PCDHA7: variants seen among roughly 807,000 people sequenced by gnomAD.
PCDHA7 encodes the protein protocadherin alpha 7, also known as protocadherin alpha-7.
In PCDHA7, 37 loss-of-function variants were observed where a neutral mutation model predicts 57.2. That is an observed-to-expected ratio of 0.65 (90% CI 0.50 to 0.85). The LOEUF (loss-of-function observed/expected upper bound fraction) is 0.85. Ranked by LOEUF, PCDHA7 falls within the 40% of genes least tolerant of loss-of-function variation. The pLI is 0.00. For synonymous variants in PCDHA7, 553 were observed against 558.8 expected, an observed-to-expected ratio of 0.99 and a Z score of 0.15; for missense variants, 1,188 against 1,241.8, an observed-to-expected ratio of 0.96 and a Z score of 0.65.
chr5:140,947,756 T>A (rs1354995389), intron 1 of PCDHA7, among the ~76,000 whole-genome samples: 1 of 151,644 alleles, frequency 6.6e-6, no homozygotes, highest in Non-Finnish European at 1.5e-5. Flanking sequence ...TATTTTATGG[T>A]TTAAAAAATT....
Position 141,010,456 on chromosome 5 carries a change from TATC to T in PCDHA7, c.*521_*523del. The T allele has an allele frequency of 1.1e-6, 1 of 877,088 alleles. No individual in the cohort carries two copies. The highest frequency in any genetic ancestry group is 3.0e-5 in the Admixed American group (1 of 33,582). The allele number at this position is 877,088 out of a possible 1,614,324, so 54.3% of individuals were successfully genotyped here. On this transcript the variant is annotated 3_prime_UTR_variant, in exon 4 of 4. Transcript: ENST00000525929. ...ACAAAGACAAATAAACAGCGGAAGT[TATC>T]AGTATGGAGGGGAAGTGTAAACTTA... is the stretch of plus-strand genomic sequence containing the variant.
intron 1 of PCDHA7, among the ~76,000 whole-genome samples, chr5:140,879,038 AAGAT>A (rs2057824267): frequency 6.6e-6 from 1 of 152,380 alleles, no homozygotes; most frequent in Admixed American, 6.5e-5. Flanking sequence ...AGTGTCTTGA[AAGAT>A]AGACAACATT....
At chr5:140,868,925 T>C (rs558364822) in intron 1 of PCDHA7, 1 of 1,048,896 alleles carries the variant, frequency 9.5e-7, no homozygotes. Flanking sequence ...GAAAGTTCAT[T>C]TAAAGGTTGG....
At chr5:140,838,543 T>C (rs1421001840) in intron 1 of PCDHA7, among the ~76,000 whole-genome samples, 2 of 152,028 alleles carry the variant, frequency 1.3e-5, no homozygotes, top group Non-Finnish European at 2.9e-5. Flanking sequence ...GGATATATCA[T>C]GATTTATTCA....
intron 1 of PCDHA7, chr5:140,969,045 C>G: frequency 1.2e-6 from 2 of 1,614,090 alleles, no homozygotes. Flanking sequence ...TACAAACAAG[C>G]CAACAACAAT....
intron 1 of PCDHA7, chr5:140,842,580 C>T (rs1778108515): frequency 1.3e-6 from 2 of 1,517,648 alleles, no homozygotes; most frequent in African/African-American, 2.9e-5. Context: ...AGAGTGTCGG[C>T]CTATGAGTTG....
chr5:140,978,967 G>C lies in PCDHA7; in HGVS notation c.2374G>C (p.Asp792His), dbSNP rs782109224. 1.9e-6 allele frequency: 3 copies of C among 1,614,038 alleles called. No homozygotes were observed. The highest frequency in any genetic ancestry group is 1.1e-5 in the South Asian group (1 of 91,066). The stretch of plus-strand genomic sequence containing the variant: ...TTTGCAGCCACGACAGCCCAACCCT[G>C]ACTGGCGTTACTCTGCCTCCCTGAG... ...STDNPRQPNPDWRYSASLRAG... is the reference protein window; with the variant it reads ...STDNPRQPNPHWRYSASLRAG... The change falls in exon 2 of 4, where the codon GAC (aspartate) becomes CAC (histidine). Residue 792 changes from aspartate to histidine, a missense_variant. Asp to His is a moderately conservative substitution (Grantham distance 81). Coordinates refer to ENST00000525929, the MANE Select transcript of PCDHA7 (RefSeq NM_018910.3).
intron 1 of PCDHA7, among the ~76,000 whole-genome samples, chr5:140,908,700 G>A (rs1357815625): frequency 6.6e-6 from 1 of 152,184 alleles, no homozygotes; most frequent in Non-Finnish European, 1.5e-5. Flanking sequence ...GACACCTCAA[G>A]CACCATTGGA....
Position 140,836,501 on chromosome 5 carries a change from G to T in PCDHA7, c.2118G>T (p.Ala706=), listed in dbSNP as rs2150262509. Residue 706 remains alanine, a synonymous_variant, in exon 1 of 4, where the codon GCG becomes GCT. Coordinates refer to ENST00000525929, the MANE Select transcript of PCDHA7 (RefSeq NM_018910.3). ...VNVYLIIAIC[A]VSSLLVLTLL... ...TGTACCTGATCATCGCCATCTGCGC[G>T]GTGTCCAGTCTGTTGGTGCTTACCC... is the stretch of plus-strand genomic sequence containing the variant. 1 of 1,613,864 alleles carries T rather than the reference G, an allele frequency of 6.2e-7. No individual in the cohort carries two copies. The highest frequency in any genetic ancestry group is 1.7e-5 in the Admixed American group (1 of 60,012).
chr5:140,928,459 T>C (rs2085267166), intron 1 of PCDHA7: 1 of 1,614,106 alleles, frequency 6.2e-7, no homozygotes, highest in Non-Finnish European at 8.5e-7. Flanking sequence ...GGGGTTTCAT[T>C]TCCAAGTAGA....
rs140727388 is a variant in PCDHA7, at chr5:140,974,245, C to G, written c.2356-4704C>G. Among the ~76,000 whole-genome samples, 191 of 152,268 alleles carry G rather than the reference C, an allele frequency of 1.3e-3. 1 individual carries two copies. The highest frequency in any genetic ancestry group is 4.3e-3 in the African/African-American group (179 of 41,572). Reference sequence around the variant, plus strand: ...ATCTTAGTTCCTTGGCATATAAGCACCATCAGTTCCTTTCTGGCCTTCCAG... The same window carrying G: ...ATCTTAGTTCCTTGGCATATAAGCAGCATCAGTTCCTTTCTGGCCTTCCAG... On this transcript the variant is annotated intron_variant, in intron 1 of 3. Transcript: ENST00000525929.
chr5:140,876,827 C>A, intron 1 of PCDHA7: 3 of 1,614,182 alleles, frequency 1.9e-6, no homozygotes, highest in South Asian at 1.1e-5. Context: ...AACGACAATG[C>A]GCCTGCGTTC....
At chr5:140,909,995 A>G (rs1315885700) in intron 1 of PCDHA7, among the ~76,000 whole-genome samples, 2 of 152,178 alleles carry the variant, frequency 1.3e-5, no homozygotes, top group African/African-American at 4.8e-5. Flanking sequence ...AACAGCATAA[A>G]TTGTTGTCAG....
At chr5:140,912,130 T>A (rs1554195167) in intron 1 of PCDHA7, among the ~76,000 whole-genome samples, 1 of 152,156 alleles carries the variant, frequency 6.6e-6, no homozygotes, top group Non-Finnish European at 1.5e-5. Flanking sequence ...GTCAGTCTAA[T>A]CTCTCCATGT....
chr5:140,969,222 C>T (rs782010447), intron 1 of PCDHA7: 1 of 1,614,154 alleles, frequency 6.2e-7, no homozygotes, highest in Non-Finnish European at 8.5e-7. Flanking sequence ...GGACCAGGGC[C>T]TTCGGGAGCC....
At chr5:140,976,691 C>G (rs1219355793) in intron 1 of PCDHA7, among the ~76,000 whole-genome samples, 1 of 152,126 alleles carries the variant, frequency 6.6e-6, no homozygotes. Context: ...AATTTAAGTA[C>G]AATAATGTTG....
intron 1 of PCDHA7, among the ~76,000 whole-genome samples, chr5:140,945,222 A>T (rs1019202574): frequency 4.6e-5 from 7 of 152,260 alleles, no homozygotes; most frequent in Middle Eastern, 6.8e-3. Context: ...AAATAAAAAT[A>T]CTTAGGAATA....
Position 140,850,172 on chromosome 5 carries a change from C to T in PCDHA7, c.2355+13434C>T, listed in dbSNP as rs2150470572. The T allele has an allele frequency of 5.0e-6, 8 of 1,594,262 alleles. 1 individual carries two copies. In the Admixed American group the frequency reaches 6.7e-5, roughly 13 times the overall value. On this transcript the variant is annotated intron_variant, in intron 1 of 3. Coordinates refer to ENST00000525929, the MANE Select transcript of PCDHA7 (RefSeq NM_018910.3). The stretch of plus-strand genomic sequence containing the variant: ...TGCAGGTGTTCGTGCTGGACGAGAA[C>T]GACAATGCGCCGGCGCTGCTGACAC...
rs199976895 is a variant in PCDHA7 at position 140,968,276 on chromosome 5, G to T, written c.2356-10673G>T. The T allele has an allele frequency of 9.2e-5, 148 of 1,613,952 alleles. No homozygotes were observed. Among genetic ancestry groups the T allele is most frequent in the Admixed American group, 5.5e-4 (33 of 60,008 alleles). On this transcript the variant is annotated intron_variant, in intron 1 of 3. Transcript: ENST00000525929. ...CCCAGATGAAAAGGAGAATGCAGAGGTGACCTACTCCCTTCTGGAGAGGGA... is the reference window on the plus strand; with the variant it reads ...CCCAGATGAAAAGGAGAATGCAGAGTTGACCTACTCCCTTCTGGAGAGGGA...
Sources: gnomAD v4.1 joint callset for allele counts (sites outside exome capture counted in the v4.1 genomes callset) on GRCh38, gnomAD v4.1.1 for gene constraint, MANE v1.5 for transcripts, NCBI Gene and HGNC (gene_info 2026-07-23, HGNC 2026-07-21) for gene names.